Variants in HNF4G observed in about 807,000 individuals in gnomAD.
The protein encoded by HNF4G is hepatocyte nuclear factor 4-gamma.
Under a neutral mutation model 50.9 loss-of-function variants are expected in HNF4G, and 21 were observed. That is an observed-to-expected ratio of 0.41 (90% CI 0.29 to 0.59). The LOEUF (loss-of-function observed/expected upper bound fraction) is 0.59. HNF4G is among the 20% of genes least tolerant of loss of function. HNF4G has a pLI of 0.26. For synonymous variants in HNF4G, 198 were observed against 185.6 expected (o/e 1.07, Z -0.54); for missense variants, 527 against 559.4 (o/e 0.94, Z 0.58).
chr8:75,525,936 G>A (rs1400707529), intron 2 of HNF4G, among the ~76,000 whole-genome samples: 1 of 152,100 alleles, frequency 6.6e-6, no homozygotes, highest in Non-Finnish European at 1.5e-5. Flanking sequence ...TGTCACAAAT[G>A]TAAAGGATGA....
chr8:75,499,914 A>C (rs1349790794), intron 2 of HNF4G, among the ~76,000 whole-genome samples: 1 of 152,088 alleles, frequency 6.6e-6, no homozygotes, highest in Non-Finnish European at 1.5e-5. Context: ...ACACAAATGC[A>C]ACTGCTAAAA....
At chr8:75,562,948 T>G (rs1807355236) in intron 9 of HNF4G, among the ~76,000 whole-genome samples, 1 of 152,170 alleles carries the variant, frequency 6.6e-6, no homozygotes. Context: ...TGATATTGAT[T>G]TGTCATTTAA....
chr8:75,423,443 G>A (rs1585829613), intron 1 of HNF4G, among the ~76,000 whole-genome samples: 1 of 141,754 alleles, frequency 7.1e-6, no homozygotes, highest in South Asian at 2.2e-4. Context: ...TCAACTTCCC[G>A]GGTTCAAGCA....
At chr8:75,555,838 A>C in intron 5 of HNF4G, 144 bp from the exon 6 acceptor site, 1 of 419,110 alleles carries the variant, frequency 2.4e-6, no homozygotes, top group Non-Finnish European at 4.3e-6. Context: ...TGGAAGGCTT[A>C]ATGATGGCAT....
chr8:75,523,596 A>G (rs1806103597), intron 2 of HNF4G, among the ~76,000 whole-genome samples: 1 of 152,102 alleles, frequency 6.6e-6, no homozygotes, highest in South Asian at 2.1e-4. Context: ...TGTACGTTAA[A>G]TGTATGGGGA....
chr8:75,477,101 A>G (rs1363930103), intron 1 of HNF4G, among the ~76,000 whole-genome samples: 3 of 152,218 alleles, frequency 2.0e-5, no homozygotes, highest in African/African-American at 4.8e-5. Flanking sequence ...ATTTTAATTG[A>G]TAACACCTTC....
chr8:75,418,645 G>C (rs192485864), intron 1 of HNF4G, among the ~76,000 whole-genome samples: 186 of 151,784 alleles, frequency 1.2e-3, no homozygotes, highest in Admixed American at 6.5e-3. Context: ...GTGGCTTGAG[G>C]ATGATATCCG....
At chr8:75,496,851 C>A (rs996179913) in intron 2 of HNF4G, among the ~76,000 whole-genome samples, 4 of 151,596 alleles carry the variant, frequency 2.6e-5, no homozygotes, top group Non-Finnish European at 5.9e-5. Context: ...ATAGGTTGTG[C>A]TATGTCTCTG....
At chr8:75,417,519 C>A in intron 1 of HNF4G, among the ~76,000 whole-genome samples, 1 of 152,134 alleles carries the variant, frequency 6.6e-6, no homozygotes, top group East Asian at 1.9e-4. Context: ...GTCTCCAGAG[C>A]CCAGTTTCTT....
chr8:75,427,588 A>C (rs1218000274), intron 1 of HNF4G, among the ~76,000 whole-genome samples: 1 of 151,850 alleles, frequency 6.6e-6, no homozygotes, highest in African/African-American at 2.4e-5. Flanking sequence ...AAAAAAAATA[A>C]AATAAATAAA....
At chr8:75,428,960 C>T (rs992217197) in intron 1 of HNF4G, among the ~76,000 whole-genome samples, 1 of 152,098 alleles carries the variant, frequency 6.6e-6, no homozygotes, top group Non-Finnish European at 1.5e-5. Flanking sequence ...TTTAGTAGTT[C>T]AGGCACCAGA....
intron 6 of HNF4G, among the ~76,000 whole-genome samples, chr8:75,556,907 C>A (rs181611443): frequency 5.3e-5 from 8 of 152,234 alleles, no homozygotes; most frequent in Admixed American, 2.0e-4. Flanking sequence ...CTCATTTAAT[C>A]CTTGAAATAG....
At chr8:75,504,626 T>C (rs2612300) in intron 2 of HNF4G, among the ~76,000 whole-genome samples, 42,200 of 152,102 alleles carry the variant, frequency 0.28, 6,515 homozygotes, top group Middle Eastern at 0.45. Context: ...AGGCATAATA[T>C]ATTTTGAGGT....
At chr8:75,466,604 CCT>C (rs1811984225) in intron 1 of HNF4G, among the ~76,000 whole-genome samples, 1 of 126,258 alleles carries the variant, frequency 7.9e-6, no homozygotes, top group African/African-American at 3.1e-5. Context: ...TTCCTTCCTT[CCT>C]TCCTTCCTTC....
chr8:75,433,780 T>A (rs1208316812), intron 1 of HNF4G, among the ~76,000 whole-genome samples: 1 of 152,148 alleles, frequency 6.6e-6, no homozygotes, highest in Non-Finnish European at 1.5e-5. Context: ...TTTTAATATA[T>A]CATTACAGTT....
At chr8:75,554,329 T>A (rs1807053312) in intron 5 of HNF4G, among the ~76,000 whole-genome samples, 1 of 152,210 alleles carries the variant, frequency 6.6e-6, no homozygotes, top group Admixed American at 6.6e-5. Flanking sequence ...ACTTATATAT[T>A]CAGTGATTTA....
intron 1 of HNF4G, among the ~76,000 whole-genome samples, chr8:75,439,858 A>G (rs1011808072): frequency 5.3e-5 from 8 of 152,076 alleles, no homozygotes; most frequent in Non-Finnish European, 7.4e-5. Context: ...AGTTTTTACT[A>G]CATAACTAAG....
intron 1 of HNF4G, among the ~76,000 whole-genome samples, chr8:75,455,484 A>G (rs77996960): frequency 0.053 from 8,106 of 152,252 alleles, 266 homozygotes; most frequent in Non-Finnish European, 0.066. Flanking sequence ...ACTGTGCTCC[A>G]GAGAACAATT....
At chr8:75,413,290 G>T (rs903860645) in intron 1 of HNF4G, among the ~76,000 whole-genome samples, 6 of 140,370 alleles carry the variant, frequency 4.3e-5, no homozygotes, top group African/African-American at 5.2e-5. Context: ...GGAGAGGAGA[G>T]GAGGACAGGA....
Sources: gnomAD v4.1 joint callset for allele counts (sites outside exome capture counted in the v4.1 genomes callset) on GRCh38, gnomAD v4.1.1 for gene constraint, MANE v1.5 for transcripts, NCBI Gene and HGNC (gene_info 2026-07-23, HGNC 2026-07-21) for gene names.